Variants in TECPR2 observed in about 807,000 individuals in gnomAD.
TECPR2 encodes tectonin beta-propeller repeat-containing protein 2.
In TECPR2, 65 loss-of-function variants were observed where a neutral mutation model predicts 138.1. The observed-to-expected ratio is 0.47, with a 90% CI of 0.39 to 0.58. The LOEUF (loss-of-function observed/expected upper bound fraction) is 0.58, where lower values mean the gene tolerates loss of function less well. Among genes scored for constraint, TECPR2 ranks in the 20% least tolerant of loss-of-function variants. TECPR2 has a pLI of 0.00. For missense variants in TECPR2, 1,553 were observed against 1,824.5 expected (o/e 0.85, Z 2.71); for synonymous variants, 746 against 749.8 (o/e 0.99, Z 0.08).
chr14:102,447,627 T>C (rs531103602), intron 13 of TECPR2, among the ~76,000 whole-genome samples: 2 of 152,194 alleles, frequency 1.3e-5, no homozygotes, highest in East Asian at 3.9e-4. Flanking sequence ...CTCCGCCTCC[T>C]GGGTTCAAGC....
At chr14:102,442,569 C>CTCTG (rs1889863574) in intron 11 of TECPR2, among the ~76,000 whole-genome samples, 1 of 152,174 alleles carries the variant, frequency 6.6e-6, no homozygotes, top group African/African-American at 2.4e-5. Flanking sequence ...AGCGAGTGAC[C>CTCTG]TCTAAACCAG....
At chr14:102,408,407 T>G in intron 3 of TECPR2, 81 bp from the exon 4 acceptor site, 6 of 1,469,418 alleles carry the variant, frequency 4.1e-6, no homozygotes, top group Non-Finnish European at 5.5e-6. Flanking sequence ...TAGGAGTGAT[T>G]GTATACCTTT....
At chr14:102,480,885 C>T (rs867409084) in intron 17 of TECPR2, among the ~76,000 whole-genome samples, 4 of 109,066 alleles carry the variant, frequency 3.7e-5, no homozygotes, top group Admixed American at 1.5e-4. Context: ...CTTGCTCTGT[C>T]GCCCACTGGA....
chr14:102,489,347 G>C (rs527368577), intron 17 of TECPR2, among the ~76,000 whole-genome samples: 1 of 151,914 alleles, frequency 6.6e-6, no homozygotes, highest in Admixed American at 6.6e-5. Flanking sequence ...GGCTGGGCGC[G>C]GTGGCTCACA....
chr14:102,378,998 G>A (rs989381389), intron 2 of TECPR2, among the ~76,000 whole-genome samples: 10 of 152,092 alleles, frequency 6.6e-5, no homozygotes, highest in African/African-American at 2.2e-4. Context: ...TCATGGATTC[G>A]ACTGATCAAA....
At chr14:102,450,715 A>G (rs373583990) in intron 15 of TECPR2, 66 bp downstream of exon 15, 3 of 1,518,866 alleles carry the variant, frequency 2.0e-6, no homozygotes, top group Middle Eastern at 1.8e-4. Flanking sequence ...GGTTCAAACC[A>G]CAGTCGGACT....
Position 102,414,717 on chromosome 14 carries a change from T to C in TECPR2, c.562T>C (p.Ser188Pro), listed in dbSNP as rs1334804005. 6.2e-7 allele frequency: 1 copy of C among 1,614,262 alleles called. No homozygotes were observed. Among genetic ancestry groups the C allele is most frequent in the South Asian group, 1.1e-5 (1 of 91,086 alleles). Reference sequence around the variant, plus strand: ...TTATAGCCAGAAAGTGCTGCTGGTCTCTACTCTGCAAAGAAGTCTGCTCTT... The same window carrying C: ...TTATAGCCAGAAAGTGCTGCTGGTCCCTACTCTGCAAAGAAGTCTGCTCTT... ...LDYSQKVLLV[S>P]TLQRSLLFYT... is the part of the protein sequence containing the mutation. The change falls in exon 5 of 20, where the codon TCT becomes CCT. Residue 188 changes from serine (S) to proline (P), a missense_variant. Transcript: ENST00000359520.
chr14:102,496,156 C>T (rs1891274480), intron 17 of TECPR2, among the ~76,000 whole-genome samples: 1 of 152,238 alleles, frequency 6.6e-6, no homozygotes, highest in Admixed American at 6.5e-5. Flanking sequence ...GGACCCAAGA[C>T]CACAGATGTA....
intron 17 of TECPR2, among the ~76,000 whole-genome samples, chr14:102,466,782 A>G (rs536763299): frequency 6.6e-6 from 1 of 152,340 alleles, no homozygotes; most frequent in South Asian, 2.1e-4. Context: ...TCCAAAACAG[A>G]GAGAACACCC....
At chr14:102,447,274 GC>G (rs897282694) in intron 13 of TECPR2, among the ~76,000 whole-genome samples, 1 of 152,122 alleles carries the variant, frequency 6.6e-6, no homozygotes, top group African/African-American at 2.4e-5. Context: ...ATGCCACCAT[GC>G]CTGGCTAATT....
intron 17 of TECPR2, among the ~76,000 whole-genome samples, chr14:102,495,705 C>T (rs1002487468): frequency 6.6e-5 from 10 of 152,274 alleles, no homozygotes; most frequent in African/African-American, 2.4e-4. Context: ...CCGCCCCGTC[C>T]TCCTTGCTGC....
intron 9 of TECPR2, among the ~76,000 whole-genome samples, chr14:102,436,101 C>G (rs1889663504): frequency 6.6e-6 from 1 of 152,136 alleles, no homozygotes; most frequent in African/African-American, 2.4e-5. Context: ...TAAACACGAA[C>G]TATAAAATAG....
intron 15 of TECPR2, among the ~76,000 whole-genome samples, chr14:102,451,433 C>A (rs964581990): frequency 6.6e-6 from 1 of 152,196 alleles, no homozygotes; most frequent in Non-Finnish European, 1.5e-5. Flanking sequence ...CCAGATTGTT[C>A]GGACCACAGT....
At chr14:102,410,969 G>A (rs909680114) in intron 4 of TECPR2, among the ~76,000 whole-genome samples, 9 of 152,302 alleles carry the variant, frequency 5.9e-5, no homozygotes, top group African/African-American at 2.2e-4. Context: ...CCAATTCTTA[G>A]ACCTTTTATA....
chr14:102,418,239 C>T (rs1480743928), intron 5 of TECPR2, among the ~76,000 whole-genome samples: 2 of 152,202 alleles, frequency 1.3e-5, no homozygotes, highest in African/African-American at 4.8e-5. Flanking sequence ...TCTGTTCATT[C>T]AGCGCTGGAG....
intron 11 of TECPR2, among the ~76,000 whole-genome samples, chr14:102,440,889 C>T (rs1255261452): frequency 3.3e-5 from 5 of 152,156 alleles, no homozygotes; most frequent in Admixed American, 3.3e-4. Context: ...CCAACCACCG[C>T]ATATCACGTA....
In TECPR2 at chr14:102,415,909, G is replaced by T. The variant is rs537054047; in HGVS notation, c.638+1116G>T. Among the ~76,000 whole-genome samples the T allele has an allele frequency of 6.6e-6, 1 of 152,272 alleles. No homozygotes were observed. Among genetic ancestry groups the T allele is most frequent in the African/African-American group, 2.4e-5 (1 of 41,548 alleles). On this transcript the variant is annotated intron_variant, in intron 5 of 19. Transcript: ENST00000359520. This position sits in a 1 kb window ranked among gnomAD's most constrained non-coding sequence, Gnocchi z 4.3. ...GCGTTGATGAGGCCCTGCGGCTGGT[G>T]GTGCCGTTGGGGACAGGCCGTCCTG...
chr14:102,406,009 T>TA (rs535625720), intron 2 of TECPR2, among the ~76,000 whole-genome samples: 30 of 132,768 alleles, frequency 2.3e-4, no homozygotes, highest in African/African-American at 5.4e-4. Flanking sequence ...CTGAGGAGAT[T>TA]AAAAAAAAAA....
chr14:102,498,125 G>C lies in TECPR2; in HGVS notation c.4104G>C (p.Trp1368Cys). The change falls in exon 20 of 20, where the codon TGG becomes TGC. Residue 1368 changes from tryptophan to cysteine, a missense_variant. Coordinates refer to ENST00000359520, the MANE Select transcript of TECPR2 (RefSeq NM_014844.5). ...CFTVTASDEL[W>C]AVGPPGYLLQ... is the part of the protein sequence containing the mutation. ...CAGTGACTGCGTCAGATGAGCTGTG[G>C]GCTGTGGGCCCGCCCGGCTACCTCC... 1 of 1,613,356 alleles carries C rather than the reference G, an allele frequency of 6.2e-7. No individual in the cohort carries two copies. The highest frequency in any genetic ancestry group is 8.5e-7 in the Non-Finnish European group (1 of 1,179,922).
Sources: gnomAD v4.1 joint callset for allele counts (sites outside exome capture counted in the v4.1 genomes callset) on GRCh38, gnomAD v4.1.1 for gene constraint, Gnocchi (gnomAD v3.1) non-coding constraint, MANE v1.5 for transcripts, NCBI Gene and HGNC (gene_info 2026-07-23, HGNC 2026-07-21) for gene names.